Variants in PPP3CB observed in about 807,000 individuals in gnomAD.
PPP3CB encodes the protein protein phosphatase 3 catalytic subunit beta, also known as serine/threonine-protein phosphatase 2B catalytic subunit beta isoform.
PPP3CB carries 8 observed loss-of-function variants against 66.4 expected under a neutral mutation model. The ratio of observed to expected loss-of-function variants is 0.12; its 90% CI spans 0.07 to 0.22. The LOEUF is 0.22. PPP3CB is among the 10% of genes least tolerant of loss of function. The pLI is 1.00. For missense variants in PPP3CB, 319 were observed against 642.5 expected, an observed-to-expected ratio of 0.50 and a Z score of 5.44; for synonymous variants, 208 against 221.2, an observed-to-expected ratio of 0.94 and a Z score of 0.53.
chr10:73,452,177 AAGT>A (rs1449067415), intron 10 of PPP3CB, among the ~76,000 whole-genome samples: 1 of 152,192 alleles, frequency 6.6e-6, no homozygotes, highest in Non-Finnish European at 1.5e-5. Context: ...TTCTAAAAAA[AAGT>A]AGGCTATGTG....
At chr10:73,438,517 G>T in intron 13 of PPP3CB, 97 bp from the exon 14 acceptor site, 1 of 1,037,462 alleles carries the variant, frequency 9.6e-7, no homozygotes, top group Non-Finnish European at 1.5e-6. Context: ...GAAATTAGTA[G>T]CTGTAAGTAG....
chr10:73,485,953 T>TGTG (rs577772189), intron 1 of PPP3CB, among the ~76,000 whole-genome samples: 2 of 140,496 alleles, frequency 1.4e-5, no homozygotes, highest in Non-Finnish European at 3.1e-5. Flanking sequence ...TGTGTGTGTA[T>TGTG]TTTTTTTTTT....
intron 1 of PPP3CB, among the ~76,000 whole-genome samples, chr10:73,484,478 C>T (rs55942335): frequency 5.9e-5 from 9 of 151,640 alleles, no homozygotes; most frequent in Non-Finnish European, 1.0e-4. Flanking sequence ...TCACAGTGTT[C>T]GCCAGGATGG....
chr10:73,442,698 CA>C (rs1435526383), intron 12 of PPP3CB, among the ~76,000 whole-genome samples: 1 of 147,974 alleles, frequency 6.8e-6, no homozygotes, highest in Non-Finnish European at 1.5e-5. Context: ...GAATGTAAAG[CA>C]AATCAAAGCA....
chr10:73,495,005 T>A (rs1307579643), intron 1 of PPP3CB, among the ~76,000 whole-genome samples: 1 of 152,204 alleles, frequency 6.6e-6, no homozygotes, highest in South Asian at 2.1e-4. Context: ...TGACCTGTTG[T>A]GGGTAAACAT....
intron 3 of PPP3CB, among the ~76,000 whole-genome samples, chr10:73,476,939 G>A (rs559371669): frequency 6.6e-6 from 1 of 152,274 alleles, no homozygotes; most frequent in South Asian, 2.1e-4. Flanking sequence ...AGAAAAAAAG[G>A]TATATTGGAA....
chr10:73,440,813 T>C (rs1430531657), intron 12 of PPP3CB, among the ~76,000 whole-genome samples: 1 of 152,212 alleles, frequency 6.6e-6, no homozygotes, highest in Non-Finnish European at 1.5e-5. Context: ...GGTCATATTA[T>C]AAATAAGAAA....
At chr10:73,494,073 C>T (rs189868201) in intron 1 of PPP3CB, among the ~76,000 whole-genome samples, 54 of 152,304 alleles carry the variant, frequency 3.5e-4, no homozygotes, top group Middle Eastern at 6.8e-3. Context: ...CACAGAAATA[C>T]AGTCAGAAAA....
chr10:73,455,983 G>GC (rs2056421636), intron 9 of PPP3CB, among the ~76,000 whole-genome samples: 1 of 152,314 alleles, frequency 6.6e-6, no homozygotes, highest in Non-Finnish European at 1.5e-5. Context: ...CTGGCACTGT[G>GC]CCCTGGCACA....
intron 9 of PPP3CB, among the ~76,000 whole-genome samples, chr10:73,465,343 C>T (rs2056602108): frequency 6.6e-6 from 1 of 152,104 alleles, no homozygotes; most frequent in Non-Finnish European, 1.5e-5. Context: ...ATCCTCCTGC[C>T]TTAGCCTCCC....
chr10:73,473,172 C>T (rs951912913), intron 4 of PPP3CB, among the ~76,000 whole-genome samples: 1 of 152,162 alleles, frequency 6.6e-6, no homozygotes, highest in Non-Finnish European at 1.5e-5. Flanking sequence ...AGGTTAACTG[C>T]CTGATCCTTG....
At chr10:73,482,917 C>A (rs2056906040) in intron 1 of PPP3CB, among the ~76,000 whole-genome samples, 1 of 152,120 alleles carries the variant, frequency 6.6e-6, no homozygotes, top group Admixed American at 6.5e-5. Context: ...TGTGCCTGGC[C>A]TAGATGATAT....
At chr10:73,463,729 GC>G (rs1187839626) in intron 9 of PPP3CB, among the ~76,000 whole-genome samples, 1 of 150,930 alleles carries the variant, frequency 6.6e-6, no homozygotes, top group African/African-American at 2.4e-5. Context: ...TGCAAGCTCT[GC>G]CTCCTGGGTT....
chr10:73,465,925 T>G (rs976031678), intron 9 of PPP3CB, among the ~76,000 whole-genome samples: 1 of 152,162 alleles, frequency 6.6e-6, no homozygotes, highest in African/African-American at 2.4e-5. Context: ...TTTAGAGAGA[T>G]GTGAATAATT....
At chr10:73,448,077 G>T (rs1017235941) in intron 10 of PPP3CB, among the ~76,000 whole-genome samples, 1 of 152,130 alleles carries the variant, frequency 6.6e-6, no homozygotes, top group Non-Finnish European at 1.5e-5. Context: ...TCTAATAAAT[G>T]ATTATAAACA....
chr10:73,490,973 C>T (rs1453653116), intron 1 of PPP3CB, among the ~76,000 whole-genome samples: 2 of 149,836 alleles, frequency 1.3e-5, no homozygotes, highest in Non-Finnish European at 3.0e-5. Flanking sequence ...GTTAGGATTA[C>T]AGGTGCGTGC....
chr10:73,441,791 A>G (rs762616847), intron 12 of PPP3CB, among the ~76,000 whole-genome samples: 26 of 152,228 alleles, frequency 1.7e-4, no homozygotes, highest in Non-Finnish European at 2.1e-4. Flanking sequence ...GAAAGAAAAC[A>G]TACATAAAAT....
At chr10:73,443,176 G>A (rs2056177858) in intron 12 of PPP3CB, among the ~76,000 whole-genome samples, 1 of 150,308 alleles carries the variant, frequency 6.7e-6, no homozygotes, top group Non-Finnish European at 1.5e-5. Context: ...CAAGAAACCA[G>A]ACCCTGTCTG....
chr10:73,470,268 G>C (rs1406182877), intron 8 of PPP3CB, among the ~76,000 whole-genome samples: 1 of 152,116 alleles, frequency 6.6e-6, no homozygotes, highest in Non-Finnish European at 1.5e-5. Flanking sequence ...GAAAGGGAAA[G>C]AGAACCTAGA....
Sources: gnomAD v4.1 joint callset for allele counts (sites outside exome capture counted in the v4.1 genomes callset) on GRCh38, gnomAD v4.1.1 for gene constraint, MANE v1.5 for transcripts, NCBI Gene and HGNC (gene_info 2026-07-23, HGNC 2026-07-21) for gene names.